Variants in NDST4 observed in about 807,000 individuals in gnomAD.
NDST4 encodes N-heparan sulfate sulfotransferase 4.
NDST4 carries 63 observed loss-of-function variants against 100.8 expected under a neutral mutation model. The ratio of observed to expected loss-of-function variants is 0.62; its 90% CI spans 0.51 to 0.77. NDST4 has a LOEUF of 0.77. Among genes scored for constraint, NDST4 ranks in the 30% least tolerant of loss-of-function variants. The pLI is 0.00. For missense variants in NDST4, 943 were observed against 1,018.4 expected, an observed-to-expected ratio of 0.93 and a Z score of 1.01; for synonymous variants, 377 against 361.8, an observed-to-expected ratio of 1.04 and a Z score of -0.48.
intron 1 of NDST4, among the ~76,000 whole-genome samples, chr4:115,101,232 T>C (rs1729722676): frequency 6.6e-6 from 1 of 152,064 alleles, no homozygotes; most frequent in Non-Finnish European, 1.5e-5. Flanking sequence ...ATAAGTGTAA[T>C]AGTGGGGAAG....
intron 6 of NDST4, among the ~76,000 whole-genome samples, chr4:114,893,999 C>T (rs371263380): frequency 6.6e-6 from 1 of 152,108 alleles, no homozygotes; most frequent in African/African-American, 2.4e-5. Flanking sequence ...ATAAGAGATC[C>T]TTTCCCCATT....
At chr4:114,865,307 C>A (rs1395638609) in intron 7 of NDST4, among the ~76,000 whole-genome samples, 3 of 152,122 alleles carry the variant, frequency 2.0e-5, no homozygotes, top group Non-Finnish European at 4.4e-5. Context: ...TTGTGATCTG[C>A]CTGCCTCGGC....
At chr4:115,057,710 AC>A (rs1728728263) in intron 2 of NDST4, among the ~76,000 whole-genome samples, 1 of 111,512 alleles carries the variant, frequency 9.0e-6, no homozygotes, top group Admixed American at 8.5e-5. Context: ...ACGCACACAC[AC>A]ACACACACAC....
At chr4:114,977,352 T>G in intron 2 of NDST4, 78 bp from the exon 3 acceptor site, 1 of 882,972 alleles carries the variant, frequency 1.1e-6, no homozygotes. Context: ...CAAATGTGTA[T>G]GCATGAGTAA....
At chr4:114,867,519 T>C (rs1407757983) in intron 7 of NDST4, among the ~76,000 whole-genome samples, 1 of 151,852 alleles carries the variant, frequency 6.6e-6, no homozygotes, top group Non-Finnish European at 1.5e-5. Flanking sequence ...CTGGAGTGAC[T>C]GAGTGAAGAC....
chr4:114,999,104 T>C (rs1727227781), intron 2 of NDST4, among the ~76,000 whole-genome samples: 1 of 152,256 alleles, frequency 6.6e-6, no homozygotes, highest in African/African-American at 2.4e-5. Flanking sequence ...TATTTGTTAA[T>C]GAATGGGTGG....
intron 6 of NDST4, among the ~76,000 whole-genome samples, chr4:114,907,864 A>G (rs961344551): frequency 1.3e-5 from 2 of 152,174 alleles, no homozygotes; most frequent in East Asian, 1.9e-4. Context: ...AGAAGCCAAC[A>G]TCAATATTAT....
At chr4:115,038,270 AATATAGTT>A (rs1415548143) in intron 2 of NDST4, among the ~76,000 whole-genome samples, 2 of 152,154 alleles carry the variant, frequency 1.3e-5, no homozygotes, top group Non-Finnish European at 2.9e-5. Flanking sequence ...TAGTTTTTTA[AATATAGTT>A]ATTGAATAGG....
rs958429990 is a variant in NDST4 at position 115,045,563 on chromosome 4, C to T, written c.978+30496G>A. On this transcript the variant is annotated intron_variant, in intron 2 of 13. Coordinates refer to ENST00000264363, the MANE Select transcript of NDST4 (RefSeq NM_022569.3). The stretch of plus-strand genomic sequence containing the variant: ...TCTCTCTCACAAGGGTGATCTTCCT[C>T]TTGCTATTGTTGAATGCCTGACCTC... Among the ~76,000 whole-genome samples, 4 of 152,052 alleles carry T rather than the reference C, an allele frequency of 2.6e-5. No individual in the cohort carries two copies. In the East Asian group the frequency reaches 7.8e-4, roughly 29 times the overall value.
At chr4:115,062,556 A>T (rs1388025395) in intron 2 of NDST4, among the ~76,000 whole-genome samples, 1 of 151,866 alleles carries the variant, frequency 6.6e-6, no homozygotes, top group Non-Finnish European at 1.5e-5. Context: ...ATAAAAAGAC[A>T]TGAAATATAC....
chr4:114,945,379 A>G (rs1287325513), intron 4 of NDST4, among the ~76,000 whole-genome samples: 2 of 152,088 alleles, frequency 1.3e-5, no homozygotes, highest in Admixed American at 6.6e-5. Flanking sequence ...TATTTTCTCT[A>G]TTTTTATGAC....
rs533950 is a variant in NDST4, at chr4:115,060,393, G to T, written c.978+15666C>A. Among the ~76,000 whole-genome samples the T allele has an allele frequency of 2.0e-5, 3 of 151,628 alleles. No homozygotes were observed. In the East Asian group the frequency reaches 5.8e-4, roughly 29 times the overall value. ...TGAAAAATGCATTTTCATTTTGAGA[G>T]GTCAATGTAGTAGTCTTTAAGCATC... On this transcript the variant is annotated intron_variant, in intron 2 of 13. Coordinates refer to ENST00000264363, the MANE Select transcript of NDST4 (RefSeq NM_022569.3).
chr4:115,037,864 T>C (rs576131188), intron 2 of NDST4, among the ~76,000 whole-genome samples: 50 of 152,206 alleles, frequency 3.3e-4, no homozygotes, highest in African/African-American at 1.0e-3. Context: ...AGAAAAAAAC[T>C]GTGAGTAAAT....
In NDST4 at chr4:115,003,234, CTTAAAG is replaced by C. The variant is rs1021793604; in HGVS notation, c.979-25966_979-25961del. Among the ~76,000 whole-genome samples, 64 of 152,104 alleles carry C rather than the reference CTTAAAG, an allele frequency of 4.2e-4. 1 individual carries two copies. The Middle Eastern group carries it at 0.01, about 24-fold the overall frequency. Reference sequence around the variant, plus strand: ...CACGTTCTGCATATGTATCCCAGAACTTAAAGTTAAAAAGAAGAAGAAAAAAGAATT... The same window carrying C: ...CACGTTCTGCATATGTATCCCAGAACTTAAAAAGAAGAAGAAAAAAGAATT... On this transcript the variant is annotated intron_variant, in intron 2 of 13. Transcript: ENST00000264363.
intron 6 of NDST4, among the ~76,000 whole-genome samples, chr4:114,925,321 T>C (rs1725366164): frequency 6.6e-6 from 1 of 152,196 alleles, no homozygotes; most frequent in Admixed American, 6.5e-5. Context: ...GCTCTGCACA[T>C]AAAATAGTTT....
chr4:114,929,149 T>TATC (rs1247509203), intron 6 of NDST4, among the ~76,000 whole-genome samples: 14 of 151,752 alleles, frequency 9.2e-5, no homozygotes, highest in African/African-American at 3.4e-4. Context: ...TCTATCTATC[T>TATC]ATCTATCTAT....
chr4:114,893,980 A>G (rs1305828556), intron 6 of NDST4, among the ~76,000 whole-genome samples: 3 of 152,138 alleles, frequency 2.0e-5, no homozygotes, highest in African/African-American at 7.2e-5. Flanking sequence ...TCCCAGCACC[A>G]TTTACTGAAT....
intron 2 of NDST4, among the ~76,000 whole-genome samples, chr4:115,054,017 A>AC (rs776264364): frequency 2.0e-5 from 3 of 152,054 alleles, no homozygotes; most frequent in Non-Finnish European, 4.4e-5. Context: ...TAAGCATGTT[A>AC]CCCACTGTAT....
intron 2 of NDST4, among the ~76,000 whole-genome samples, chr4:115,066,002 A>G (rs1162167924): frequency 1.3e-5 from 2 of 152,266 alleles, no homozygotes; most frequent in East Asian, 3.9e-4. Flanking sequence ...CAAATACCGC[A>G]TCCTCCATTA....
Sources: gnomAD v4.1 joint callset for allele counts (sites outside exome capture counted in the v4.1 genomes callset) on GRCh38, gnomAD v4.1.1 for gene constraint, MANE v1.5 for transcripts, NCBI Gene and HGNC (gene_info 2026-07-23, HGNC 2026-07-21) for gene names.